The following DCTN4 variants were observed in gnomAD, a reference collection of about 807,000 sequenced individuals.
DCTN4 encodes dynactin 4 (p62).
DCTN4 carries 23 observed loss-of-function variants against 62.7 expected under a neutral mutation model. That is an observed-to-expected ratio of 0.37 (90% CI 0.26 to 0.52). DCTN4 has a LOEUF of 0.52. Ranked by LOEUF, DCTN4 falls within the 20% of genes least tolerant of loss-of-function variation. DCTN4 has a pLI of 0.92. For missense variants in DCTN4, 514 were observed against 580.4 expected, an observed-to-expected ratio of 0.89 and a Z score of 1.18; for synonymous variants, 199 against 202.1, an observed-to-expected ratio of 0.98 and a Z score of 0.13.
chr5:150,753,373 T>C, intron 3 of DCTN4, 106 bp downstream of exon 3: 1 of 957,914 alleles, frequency 1.0e-6, no homozygotes, highest in South Asian at 1.7e-5. Context: ...CAAAATATTC[T>C]GAATTTAGCT....
At chr5:150,731,613 T>C in intron 5 of DCTN4, 124 bp from the exon 6 acceptor site, 1 of 745,392 alleles carries the variant, frequency 1.3e-6, no homozygotes, top group South Asian at 1.8e-5. Context: ...AAAGCTAATC[T>C]AAAGGCTTCT....
chr5:150,712,091 T>C (rs1054889980), intron 12 of DCTN4, among the ~76,000 whole-genome samples: 12 of 152,194 alleles, frequency 7.9e-5, no homozygotes, highest in African/African-American at 2.9e-4. Flanking sequence ...GCAAATGCAA[T>C]ATTTCTATAG....
chr5:150,716,954 T>C (rs1401923732), intron 11 of DCTN4, among the ~76,000 whole-genome samples: 1 of 145,608 alleles, frequency 6.9e-6, no homozygotes, highest in Admixed American at 6.8e-5. Context: ...ATAAGTGAAA[T>C]AAGTGTTATC....
intron 10 of DCTN4, among the ~76,000 whole-genome samples, chr5:150,719,138 ACTT>A (rs1442264361): frequency 6.6e-5 from 10 of 152,186 alleles, no homozygotes; most frequent in African/African-American, 1.9e-4. Context: ...ACTTTTTAAG[ACTT>A]CTTGAACTGT....
At chr5:150,749,983 T>A (rs1391808041) in intron 3 of DCTN4, among the ~76,000 whole-genome samples, 1 of 152,154 alleles carries the variant, frequency 6.6e-6, no homozygotes, top group African/African-American at 2.4e-5. Flanking sequence ...CAGGAAAGAC[T>A]GTAATGTAAG....
intron 3 of DCTN4, among the ~76,000 whole-genome samples, chr5:150,745,589 G>GTC (rs1760931716): frequency 6.6e-6 from 1 of 152,046 alleles, no homozygotes; most frequent in Non-Finnish European, 1.5e-5. Flanking sequence ...ATAACAAAGC[G>GTC]TCTCTCAGAC....
At chr5:150,731,645 C>A in intron 5 of DCTN4, 156 bp from the exon 6 acceptor site, 1 of 649,348 alleles carries the variant, frequency 1.5e-6, no homozygotes, top group Non-Finnish European at 2.6e-6. Flanking sequence ...CAATTTGTAG[C>A]CCCACATCAT....
rs371626491 is a variant in DCTN4, at chr5:150,749,031, G to C, written c.385+4448C>G. Among the ~76,000 whole-genome samples, 15 of 152,196 alleles carry C rather than the reference G, an allele frequency of 9.9e-5. No individual in the cohort carries two copies. The East Asian group carries it at 2.1e-3, about 22-fold the overall frequency. On this transcript the variant is annotated intron_variant, in intron 3 of 12. Transcript: ENST00000447998. ...TAGAAGAAAACATGGGTAGATCTTAGTGACACTGGGTTAGGCTAAAGTTTT... is the reference window on the plus strand; with the variant it reads ...TAGAAGAAAACATGGGTAGATCTTACTGACACTGGGTTAGGCTAAAGTTTT...
At chr5:150,752,642 T>C (rs1318541338) in intron 3 of DCTN4, among the ~76,000 whole-genome samples, 3 of 152,210 alleles carry the variant, frequency 2.0e-5, no homozygotes, top group Non-Finnish European at 4.4e-5. Context: ...AGAAGGAAGC[T>C]TTAATTTGCA....
intron 8 of DCTN4, among the ~76,000 whole-genome samples, chr5:150,725,157 CAAAAAAA>C (rs966438340): frequency 3.7e-5 from 2 of 53,396 alleles, no homozygotes; most frequent in Admixed American, 3.9e-4. Flanking sequence ...GACTCCGTCT[CAAAAAAA>C]AAAAAAAAAA....
intron 8 of DCTN4, among the ~76,000 whole-genome samples, chr5:150,727,580 T>C (rs2113034314): frequency 1.3e-5 from 2 of 151,690 alleles, no homozygotes; most frequent in African/African-American, 4.8e-5. Context: ...ATCGAGACCA[T>C]CCCGGCTAAA....
chr5:150,723,837 T>C (rs543356061), intron 8 of DCTN4, among the ~76,000 whole-genome samples: 8 of 152,320 alleles, frequency 5.3e-5, no homozygotes, highest in African/African-American at 1.9e-4. Context: ...GAACATTTTA[T>C]ATTTATTCTC....
At chr5:150,758,391 A>G (rs1752939980) in intron 1 of DCTN4, 2 of 987,718 alleles carry the variant, frequency 2.0e-6, no homozygotes, top group Admixed American at 6.1e-5. Context: ...TGAGTCAGGA[A>G]CAGGGCAAGG....
At chr5:150,721,079 CATT>C (rs1293265712) in intron 9 of DCTN4, among the ~76,000 whole-genome samples, 5 of 152,166 alleles carry the variant, frequency 3.3e-5, no homozygotes, top group Non-Finnish European at 7.4e-5. Flanking sequence ...AAGAGGAATA[CATT>C]ATTCCCATTT....
chr5:150,714,065 A>C (rs1166592919), intron 12 of DCTN4, among the ~76,000 whole-genome samples: 2 of 151,842 alleles, frequency 1.3e-5, no homozygotes, highest in Non-Finnish European at 2.9e-5. Flanking sequence ...TGCAGTGAGC[A>C]GGAGATCACG....
chr5:150,756,544 T>C, intron 1 of DCTN4, 57 bp from the exon 2 acceptor site: 1 of 1,120,478 alleles, frequency 8.9e-7, no homozygotes, highest in Non-Finnish European at 1.3e-6. Context: ...TTAACTTGTG[T>C]ATATGTCTTG....
At chr5:150,751,410 G>T (rs937241638) in intron 3 of DCTN4, among the ~76,000 whole-genome samples, 1 of 152,176 alleles carries the variant, frequency 6.6e-6, no homozygotes, top group African/African-American at 2.4e-5. Context: ...AAACCAAAAA[G>T]CATAAAACAC....
Position 150,709,406 on chromosome 5 carries a change from T to G in DCTN4, c.*1743A>C, listed in dbSNP as rs899409297. 1 of 152,358 alleles carries G rather than the reference T, an allele frequency of 6.6e-6. No homozygotes were observed. The highest frequency in any genetic ancestry group is 1.5e-5 in the Non-Finnish European group (1 of 68,032). The allele number at this position is 152,358 out of a possible 1,614,324, so 9.4% of individuals were successfully genotyped here. On this transcript the variant is annotated 3_prime_UTR_variant, in exon 13 of 13. Transcript: ENST00000447998. ...TCTACTCTATGCCCATTTCCTCCACTGGCAAATATGGAGCAGTGATTTCAC... is the reference window on the plus strand; with the variant it reads ...TCTACTCTATGCCCATTTCCTCCACGGGCAAATATGGAGCAGTGATTTCAC...
chr5:150,758,566 T>G, intron 1 of DCTN4: 1 of 1,137,568 alleles, frequency 8.8e-7, no homozygotes, highest in South Asian at 2.5e-5. Flanking sequence ...CAGACCTTTC[T>G]CCGTAGTCCA....
Sources: allele counts gnomAD v4.1 joint callset (sites outside exome capture counted in the v4.1 genomes callset), GRCh38; gene constraint gnomAD v4.1.1; transcripts MANE v1.5; gene names NCBI Gene and HGNC (gene_info 2026-07-23, HGNC 2026-07-21).